The following USP37 variants were observed in gnomAD, a reference collection of about 807,000 sequenced individuals.
USP37 encodes the protein ubiquitin specific peptidase 37.
In USP37, 27 loss-of-function variants were observed where a neutral mutation model predicts 124.0. The observed-to-expected ratio is 0.22, with a 90% CI of 0.16 to 0.30. USP37 has a LOEUF of 0.30. USP37 is among the 10% of genes least tolerant of loss of function. USP37 has a pLI of 1.00. For synonymous variants in USP37, 365 were observed against 388.0 expected (o/e 0.94, Z 0.70); for missense variants, 889 against 1,140.4 (o/e 0.78, Z 3.17).
chr2:218,558,756 A>C, intron 3 of USP37, 79 bp from the exon 4 acceptor site: 1 of 1,086,522 alleles, frequency 9.2e-7, no homozygotes, highest in Non-Finnish European at 1.3e-6. Flanking sequence ...ACTTACTAGT[A>C]ATTAATTTCT....
In USP37 at chr2:218,566,065, C is replaced by A. The variant is rs1000418853; in HGVS notation, c.-230+2113G>T. Among the ~76,000 whole-genome samples the A allele has an allele frequency of 5.9e-5, 9 of 152,042 alleles. 1 individual carries two copies. The highest frequency in any genetic ancestry group is 1.3e-4 in the Admixed American group (2 of 15,266). ...ACTCCATCTCAAAAAATAATAATAA[C>A]AATAATTACAAGTTCTGAGAAATGA... On this transcript the variant is annotated intron_variant, in intron 1 of 25. Transcript: ENST00000258399.
intron 11 of USP37, among the ~76,000 whole-genome samples, chr2:218,503,365 G>C (rs957995444): frequency 3.3e-5 from 5 of 152,246 alleles, no homozygotes; most frequent in African/African-American, 1.2e-4. Context: ...CACGGTACGT[G>C]AATTTTTAAG....
intron 1 of USP37, among the ~76,000 whole-genome samples, chr2:218,564,556 C>G (rs1693481567): frequency 6.6e-6 from 1 of 152,198 alleles, no homozygotes; most frequent in African/African-American, 2.4e-5. Flanking sequence ...AAATCCTTTA[C>G]ATTGTAACAT....
At chr2:218,485,095 G>C (rs1430820766) in intron 16 of USP37, among the ~76,000 whole-genome samples, 1 of 152,048 alleles carries the variant, frequency 6.6e-6, no homozygotes, top group Non-Finnish European at 1.5e-5. Flanking sequence ...GTCTATAGCA[G>C]GTTTTTACTG....
In USP37 at chr2:218,488,392, T is replaced by A. The variant is rs752051322; in HGVS notation, c.1502A>T (p.Gln501Leu). The A allele has an allele frequency of 6.2e-7, 1 of 1,610,800 alleles. No homozygotes were observed. The change falls in exon 15 of 26, where the codon CAG (glutamine) becomes CTG (leucine). Residue 501 changes from glutamine to leucine, a missense_variant. By Grantham distance (113) the Gln-to-Leu change is moderately radical. This residue lies in a region of USP37 where 504 missense variants were observed against 714.3 expected (regional missense o/e 0.71). Transcript: ENST00000258399. The part of the protein sequence containing the change: ...ACGEIIPKRE[Q>L]FNDLSIDLPR... Reference sequence around the variant, plus strand: ...AAGGTCAATAGAGAGGTCATTAAACTGTTCTCTTTTGGGGATAATCTCTCC... The same window carrying A: ...AAGGTCAATAGAGAGGTCATTAAACAGTTCTCTTTTGGGGATAATCTCTCC...
intron 11 of USP37, among the ~76,000 whole-genome samples, chr2:218,508,535 T>C (rs1159211544): frequency 6.6e-6 from 1 of 151,590 alleles, no homozygotes; most frequent in Non-Finnish European, 1.5e-5. Flanking sequence ...GAGAAGGCAA[T>C]AGGAAAATGA....
chr2:218,472,297 A>G (rs1690737936), intron 20 of USP37, among the ~76,000 whole-genome samples: 1 of 152,146 alleles, frequency 6.6e-6, no homozygotes, highest in Admixed American at 6.6e-5. Flanking sequence ...GAAGAGGTCT[A>G]CACAAGAGTA....
chr2:218,549,040 A>G (rs1559224215), intron 6 of USP37, among the ~76,000 whole-genome samples: 2 of 152,160 alleles, frequency 1.3e-5, no homozygotes, highest in African/African-American at 4.8e-5. Flanking sequence ...GTGGGAGAAA[A>G]CATATCAGTG....
At chr2:218,479,296 A>G (rs1691127438) in intron 18 of USP37, among the ~76,000 whole-genome samples, 1 of 152,202 alleles carries the variant, frequency 6.6e-6, no homozygotes, top group South Asian at 2.1e-4. Flanking sequence ...TTTAAGGAAG[A>G]GTGCTTTAGA....
chr2:218,464,581 C>CAA (rs1690208598), intron 21 of USP37, among the ~76,000 whole-genome samples: 1 of 152,154 alleles, frequency 6.6e-6, no homozygotes, highest in Non-Finnish European at 1.5e-5. Context: ...AAGCAGGCCT[C>CAA]AAACAAGTAC....
chr2:218,467,444 G>A (rs1356188413), intron 20 of USP37, among the ~76,000 whole-genome samples: 2 of 151,982 alleles, frequency 1.3e-5, no homozygotes, highest in Non-Finnish European at 2.9e-5. Context: ...TGCCTCTAGG[G>A]TTCCAGCGAT....
intron 1 of USP37, among the ~76,000 whole-genome samples, chr2:218,566,795 A>C (rs1361151474): frequency 6.6e-6 from 1 of 152,228 alleles, no homozygotes; most frequent in Non-Finnish European, 1.5e-5. Flanking sequence ...AAATGTACAG[A>C]AAAAGATGCA....
chr2:218,467,484 G>T (rs1320640869), intron 20 of USP37, among the ~76,000 whole-genome samples: 1 of 152,140 alleles, frequency 6.6e-6, no homozygotes, highest in Non-Finnish European at 1.5e-5. Flanking sequence ...GCGTAGCTGG[G>T]ATTACAGGTG....
intron 20 of USP37, among the ~76,000 whole-genome samples, chr2:218,472,046 A>G (rs895067825): frequency 1.3e-5 from 2 of 152,028 alleles, no homozygotes; most frequent in Non-Finnish European, 2.9e-5. Flanking sequence ...GAAAAAAAAA[A>G]AAAAAAGAAA....
At chr2:218,517,726 G>C (rs756097697) in intron 10 of USP37, among the ~76,000 whole-genome samples, 3 of 152,058 alleles carry the variant, frequency 2.0e-5, no homozygotes, top group Non-Finnish European at 2.9e-5. Flanking sequence ...TATTCATTAG[G>C]CTTCTTAATT....
chr2:218,554,578 C>T (rs1692851611), intron 4 of USP37, among the ~76,000 whole-genome samples: 1 of 152,068 alleles, frequency 6.6e-6, no homozygotes, highest in Non-Finnish European at 1.5e-5. Context: ...GAAATCCCAT[C>T]TCTACTAAAA....
Position 218,544,936 on chromosome 2 carries a change from G to A in USP37, c.680+1285C>T, listed in dbSNP as rs138321695. On this transcript the variant is annotated intron_variant, in intron 8 of 25. Transcript: ENST00000258399. ...TTAGTTTTTAGGTACCAGACCATGA[G>A]GGGCATGGTCCAAGGTACATTTAGA... Among the ~76,000 whole-genome samples the A allele has an allele frequency of 1.9e-4, 29 of 152,300 alleles. 1 individual carries two copies. The highest frequency in any genetic ancestry group is 1.8e-3 in the Admixed American group (28 of 15,290).
chr2:218,510,051 C>G lies in USP37; in HGVS notation c.953G>C (p.Cys318Ser). ...ATTCCAGCCAGTGTAATCCTGGTTA[C>G]ACCTCAGTTTTTTAACAGAAAGAGG... ...PVPLSVKKLR[C>S]NQDYTGWNKP... The change falls in exon 11 of 26, where the codon TGT (cysteine) becomes TCT (serine). Residue 318 changes from cysteine to serine, a missense_variant. Transcript: ENST00000258399. 1 of 1,613,016 alleles carries G rather than the reference C, an allele frequency of 6.2e-7. No individual in the cohort carries two copies. Among genetic ancestry groups the G allele is most frequent in the East Asian group, 2.2e-5 (1 of 44,844 alleles).
At chr2:218,500,896 T>G (rs1165101100) in intron 11 of USP37, 1 of 164,690 alleles carries the variant, frequency 6.1e-6, no homozygotes, top group African/African-American at 2.4e-5. Flanking sequence ...TCATCCTCTT[T>G]GACTGAGCAC....
Sources: allele counts gnomAD v4.1 joint callset (sites outside exome capture counted in the v4.1 genomes callset), GRCh38; gene constraint gnomAD v4.1.1; regional missense constraint gnomAD v4.1.1; transcripts MANE v1.5; gene names NCBI Gene and HGNC (gene_info 2026-07-23, HGNC 2026-07-21).